EIF4B: variants seen among roughly 807,000 people sequenced by gnomAD.
EIF4B encodes eukaryotic translation initiation factor 4B.
A neutral mutation model predicts 79.3 loss-of-function variants in EIF4B; 8 were observed. That is an observed-to-expected ratio of 0.10 (90% CI 0.06 to 0.18). EIF4B has a LOEUF of 0.18. EIF4B is among the 10% of genes least tolerant of loss of function. EIF4B has a pLI of 1.00. For missense variants in EIF4B, 515 were observed against 792.4 expected, an observed-to-expected ratio of 0.65 and a Z score of 4.20; for synonymous variants, 238 against 274.7, an observed-to-expected ratio of 0.87 and a Z score of 1.32.
rs904734739 is a variant in EIF4B at position 53,026,669 on chromosome 12, T to G, written c.668-1113T>G. On this transcript the variant is annotated intron_variant, in intron 6 of 14. Coordinates refer to ENST00000262056, the MANE Select transcript of EIF4B (RefSeq NM_001417.7). ...CAGGCTGGAGTGCCTTGGCACAATC[T>G]TGGATCATTGCAACCTCTGCCTCCC... Among the ~76,000 whole-genome samples the G allele has an allele frequency of 9.2e-5, 14 of 152,324 alleles. 1 individual carries two copies. In the Middle Eastern group the frequency reaches 0.02, roughly 222 times the overall value.
chr12:53,011,109 T>C lies in EIF4B; in HGVS notation c.13+4613T>C, dbSNP rs553509593. ...TGAGACCACGTCTCTACAAAAAAAA[T>C]TTTAAAAATTAGCCAGGGGTGGTGG... On this transcript the variant is annotated intron_variant, in intron 1 of 14. Coordinates refer to ENST00000262056, the MANE Select transcript of EIF4B (RefSeq NM_001417.7). Among the ~76,000 whole-genome samples the C allele has an allele frequency of 3.3e-5, 5 of 151,970 alleles. No individual in the cohort carries two copies. In the East Asian group the frequency reaches 7.7e-4, roughly 24 times the overall value.
Position 53,022,581 on chromosome 12 carries a change from C to T in EIF4B, c.621C>T (p.Ser207=). 1 of 1,613,838 alleles carries T rather than the reference C, an allele frequency of 6.2e-7. No homozygotes were observed. The highest frequency in any genetic ancestry group is 8.5e-7 in the Non-Finnish European group (1 of 1,179,890). ...GGAGGGCTCGTCCTGCTACAGACAG[C>T]TTTGATGACTACCCACCTAGAAGAG... ...TDWRARPATD[S]FDDYPPRRGD... The change falls in exon 6 of 15, where the codon AGC becomes AGT. Residue 207 remains serine, a synonymous_variant. Transcript: ENST00000262056.
intron 3 of EIF4B, among the ~76,000 whole-genome samples, chr12:53,019,544 T>G (rs1219258999): frequency 1.4e-5 from 2 of 148,014 alleles, no homozygotes; most frequent in African/African-American, 2.5e-5. Flanking sequence ...TTTTTTGTAT[T>G]TAGTAGAGAT....
At position 53,021,565 on chromosome 12, in the gene EIF4B, G is replaced by T. The variant is rs562080612; in HGVS notation, c.478-241G>T. Among the ~76,000 whole-genome samples, 16 of 152,304 alleles carry T rather than the reference G, an allele frequency of 1.1e-4. No homozygotes were observed. In the South Asian group the frequency reaches 3.3e-3, roughly 32 times the overall value. On this transcript the variant is annotated intron_variant, in intron 4 of 14. Transcript: ENST00000262056. Reference sequence around the variant, plus strand: ...AGTTAAAAAGTTAATTCTATTCTGTGAAATTAAGCTTTGTAAAAATAGTAT... The same window carrying T: ...AGTTAAAAAGTTAATTCTATTCTGTTAAATTAAGCTTTGTAAAAATAGTAT...
intron 6 of EIF4B, among the ~76,000 whole-genome samples, chr12:53,027,137 A>AATT (rs1491387300): frequency 3.1e-3 from 81 of 25,742 alleles, no homozygotes; most frequent in African/African-American, 6.1e-3. Context: ...AAAAAAAAAA[A>AATT]TTTTTTTTTT....
chr12:53,035,622 C>G (rs967609147), intron 10 of EIF4B, among the ~76,000 whole-genome samples: 5 of 152,024 alleles, frequency 3.3e-5, no homozygotes, highest in Admixed American at 3.3e-4. Context: ...CCCGACTCGG[C>G]CTCCCAAAGT....
Position 53,016,482 on chromosome 12 carries a change from A to G in EIF4B, c.23A>G (p.Lys8Arg). Residue 8 changes from lysine (K) to arginine (R), a missense_variant, in exon 2 of 15, where the codon AAG becomes AGG. Lys to Arg is a conservative substitution (Grantham distance 26, BLOSUM62 2). Around this residue, in one of 6 missense-constraint regions of EIF4B, gnomAD observed 105 missense variants for 177.2 expected, o/e 0.59. Transcript: ENST00000262056. MAASAKK[K>R]NKKGKTISLT... ...TTGCCTTTTAAAACAGCAAAAAAGA[A>G]GAATAAGAAGGGGAAGACTATCTCC... 6.2e-7 allele frequency: 1 copy of G among 1,612,388 alleles called. No individual in the cohort carries two copies. Among genetic ancestry groups the G allele is most frequent in the Non-Finnish European group, 8.5e-7 (1 of 1,179,850 alleles).
chr12:53,022,739 C>A, intron 6 of EIF4B, 112 bp downstream of exon 6: 1 of 1,320,068 alleles, frequency 7.6e-7, no homozygotes. Flanking sequence ...AGGAGGAAAG[C>A]AGATTAAGAA....
intron 1 of EIF4B, among the ~76,000 whole-genome samples, chr12:53,010,932 C>G (rs1318386818): frequency 1.3e-5 from 2 of 152,062 alleles, no homozygotes; most frequent in Non-Finnish European, 2.9e-5. Context: ...CAGCTTTATT[C>G]AATGTAATTT....
intron 1 of EIF4B, among the ~76,000 whole-genome samples, chr12:53,015,906 A>C (rs936922534): frequency 6.7e-6 from 1 of 149,012 alleles, no homozygotes; most frequent in African/African-American, 2.5e-5. Flanking sequence ...TGAACCCAGG[A>C]GGCAGGGGTT....
At position 53,039,824 on chromosome 12, in the gene EIF4B, A is replaced by G. The variant is rs1565594471; in HGVS notation, c.1755+122A>G. On this transcript the variant is annotated intron_variant, in intron 14 of 14. Transcript: ENST00000262056. Reference sequence around the variant, plus strand: ...ACTTTTTGCCGTTGGACTTCTTTCCATTTGGAATACAAAGTGTTTGGAAAT... The same window carrying G: ...ACTTTTTGCCGTTGGACTTCTTTCCGTTTGGAATACAAAGTGTTTGGAAAT... The G allele has an allele frequency of 2.2e-5, 24 of 1,097,362 alleles. No homozygotes were observed. In the South Asian group the frequency reaches 2.5e-4, roughly 11 times the overall value. 68.0% of individuals were successfully genotyped at this position (1,097,362 alleles called of 1,614,324 possible).
intron 6 of EIF4B, among the ~76,000 whole-genome samples, chr12:53,026,435 A>T (rs1032177311): frequency 2.0e-5 from 3 of 152,208 alleles, no homozygotes; most frequent in African/African-American, 7.2e-5. Flanking sequence ...TTTATAACAT[A>T]AACAACATTG....
intron 8 of EIF4B, among the ~76,000 whole-genome samples, chr12:53,031,313 T>C (rs1196002466): frequency 1.3e-5 from 2 of 152,246 alleles, no homozygotes; most frequent in Non-Finnish European, 2.9e-5. Context: ...TCTCACTCTG[T>C]CGCCCAGGCT....
At chr12:53,029,324 T>C (rs950665375) in intron 8 of EIF4B, among the ~76,000 whole-genome samples, 1 of 152,086 alleles carries the variant, frequency 6.6e-6, no homozygotes, top group African/African-American at 2.4e-5. Flanking sequence ...AGTGATGTCA[T>C]ATAAAAGGTT....
chr12:53,034,718 G>A lies in EIF4B; in HGVS notation c.1306+9G>A. 6.2e-7 allele frequency: 1 copy of A among 1,614,046 alleles called. No homozygotes were observed. Among genetic ancestry groups the A allele is most frequent in the Non-Finnish European group, 8.5e-7 (1 of 1,179,908 alleles). On this transcript the variant is annotated intron_variant, in intron 10 of 14. Transcript: ENST00000262056. ...CACCACATCTAGCAGAAGTAAGTCA[G>A]ACCAGGGTGGGTATCGTGTTATTGC... is the stretch of plus-strand genomic sequence containing the variant.
intron 8 of EIF4B, among the ~76,000 whole-genome samples, chr12:53,033,079 G>A (rs1943475775): frequency 6.6e-6 from 1 of 152,028 alleles, no homozygotes; most frequent in Non-Finnish European, 1.5e-5. Context: ...GAGTGCAGTG[G>A]TGCGATCCTG....
At chr12:53,016,197 T>C (rs1297217595) in intron 1 of EIF4B, among the ~76,000 whole-genome samples, 1 of 152,122 alleles carries the variant, frequency 6.6e-6, no homozygotes, top group Non-Finnish European at 1.5e-5. Context: ...AAATAAAAGG[T>C]TGCCCCCACA....
intron 1 of EIF4B, among the ~76,000 whole-genome samples, chr12:53,011,323 A>C (rs764874131): frequency 6.6e-6 from 1 of 152,216 alleles, no homozygotes; most frequent in Non-Finnish European, 1.5e-5. Flanking sequence ...ATCTAATTTC[A>C]GAACCTTTTT....
At chr12:53,034,135 T>G in intron 9 of EIF4B, 101 bp downstream of exon 9, 1 of 1,211,410 alleles carries the variant, frequency 8.3e-7, no homozygotes, top group Non-Finnish European at 1.2e-6. Flanking sequence ...GTTATCACAT[T>G]AGTGGTTGTC....
Sources: gnomAD v4.1 joint callset for allele counts (sites outside exome capture counted in the v4.1 genomes callset) on GRCh38, gnomAD v4.1.1 for gene constraint, gnomAD v4.1.1 regional missense constraint, MANE v1.5 for transcripts, NCBI Gene and HGNC (gene_info 2026-07-23, HGNC 2026-07-21) for gene names.